OTOF: variants seen among roughly 807,000 people sequenced by gnomAD.
The protein encoded by OTOF is otoferlin, also known as fer-1-like family member 2.
A neutral mutation model predicts 236.8 loss-of-function variants in OTOF; 218 were observed. That is an observed-to-expected ratio of 0.92 (90% CI 0.82 to 1.03). OTOF has a LOEUF of 1.03. Ranked by LOEUF, OTOF falls within the 50% of genes least tolerant of loss-of-function variation. The probability of loss-of-function intolerance (pLI) is 0.00; values close to 1 mark genes in which losing one functional copy is unlikely to be tolerated. For synonymous variants in OTOF, 1,041 were observed against 1,072.5 expected (o/e 0.97, Z 0.57); for missense variants, 2,590 against 2,694.4 (o/e 0.96, Z 0.86).
intron 9 of OTOF, among the ~76,000 whole-genome samples, chr2:26,491,324 G>T (rs142658051): frequency 3.9e-5 from 6 of 152,234 alleles, no homozygotes; most frequent in Admixed American, 3.3e-4. Context: ...GGGGTGACTG[G>T]GGGGAGGAAG....
chr2:26,476,833 G>T, intron 22 of OTOF, 58 bp downstream of exon 22: 4 of 1,529,934 alleles, frequency 2.6e-6, no homozygotes, highest in Non-Finnish European at 3.6e-6. Flanking sequence ...GCCCCAGGTG[G>T]GGGCTGCTGC....
rs1433297062 is a variant in OTOF at position 26,477,107 on chromosome 2, T to G, written c.2524-64A>C. The G allele has an allele frequency of 6.4e-7, 1 of 1,566,152 alleles. No homozygotes were observed. Among genetic ancestry groups the G allele is most frequent in the Non-Finnish European group, 8.7e-7 (1 of 1,148,806 alleles). On this transcript the variant is annotated intron_variant, in intron 21 of 46. Transcript: ENST00000272371. The surrounding 1 kb of genome is among the most constrained non-coding windows in gnomAD (Gnocchi z 4.7). ...GGTCTAGCCTCCTGATTGAGCCCCCTGATCCTGAGGGGCCCCAGAGAGCCA... is the reference window on the plus strand; with the variant it reads ...GGTCTAGCCTCCTGATTGAGCCCCCGGATCCTGAGGGGCCCCAGAGAGCCA...
At chr2:26,472,404 G>T in intron 30 of OTOF, 115 bp downstream of exon 30, 1 of 1,332,012 alleles carries the variant, frequency 7.5e-7, no homozygotes. Flanking sequence ...ACAGTCACAT[G>T]CCAAAGGAGG....
intron 5 of OTOF, among the ~76,000 whole-genome samples, chr2:26,504,287 C>T (rs956045781): frequency 3.3e-5 from 5 of 152,298 alleles, no homozygotes; most frequent in Middle Eastern, 6.8e-3. Context: ...GGACTGGAGA[C>T]AGAGCATCAG....
Position 26,527,865 on chromosome 2 carries a change from T to A in OTOF, c.194A>T (p.Gln65Leu). 1 of 1,613,996 alleles carries A rather than the reference T, an allele frequency of 6.2e-7. No homozygotes were observed. The highest frequency in any genetic ancestry group is 8.5e-7 in the Non-Finnish European group (1 of 1,179,882). The change falls in exon 3 of 47, where the codon CAG becomes CTG. Residue 65 changes from glutamine (Q) to leucine (L), a missense_variant. By Grantham distance (113) the Gln-to-Leu change is moderately radical (BLOSUM62 -2). Transcript: ENST00000272371. ...SIDRNEMLEI[Q>L]VFNYSKVFSN... is the part of the protein sequence containing the mutation. ...GAAGACTTTGCTGTAGTTGAAAACC[T>A]GAATCTCCAGCATCTCATTTCTGTC...
At position 26,473,046 on chromosome 2, in the gene OTOF, G is replaced by T. The variant is rs961224388; in HGVS notation, c.3733+86C>A. On this transcript the variant is annotated intron_variant, in intron 29 of 46. Transcript: ENST00000272371. This position sits in a 1 kb window ranked among gnomAD's most constrained non-coding sequence, Gnocchi z 7.2. ...CCTCGGCCCCAAAGAGCAAACTCTG[G>T]TCGCGGCTTGGACTGGGCGGAGACC... is the stretch of plus-strand genomic sequence containing the variant. 2 of 1,420,532 alleles carry T rather than the reference G, an allele frequency of 1.4e-6. No homozygotes were observed. Among genetic ancestry groups the T allele is most frequent in the Non-Finnish European group, 1.9e-6 (2 of 1,033,252 alleles). 88.0% of individuals were successfully genotyped at this position (1,420,532 alleles called of 1,614,324 possible).
intron 1 of OTOF, among the ~76,000 whole-genome samples, chr2:26,553,692 G>T (rs146007971): frequency 1.3e-5 from 2 of 152,090 alleles, no homozygotes; most frequent in Non-Finnish European, 2.9e-5. Flanking sequence ...CTTAAATACC[G>T]CCCATTTCCC....
At chr2:26,489,881 G>A (rs1478797700) in intron 9 of OTOF, 141 bp from the exon 10 acceptor site, 2 of 723,290 alleles carry the variant, frequency 2.8e-6, no homozygotes, top group Non-Finnish European at 2.5e-6. Context: ...GAGCAGCAGA[G>A]GCAACTCATC....
At chr2:26,480,428 C>T (rs997682625) in intron 15 of OTOF, 117 bp from the exon 16 acceptor site, 25 of 743,252 alleles carry the variant, frequency 3.4e-5, no homozygotes, top group Middle Eastern at 6.1e-4. Context: ...GCATCCCACC[C>T]GGCTTTGGGG....
chr2:26,531,004 G>T (rs935798154), intron 2 of OTOF, among the ~76,000 whole-genome samples: 1 of 152,158 alleles, frequency 6.6e-6, no homozygotes, highest in Non-Finnish European at 1.5e-5. Flanking sequence ...TTTTGGGGTT[G>T]AATTTTCCTC....
In OTOF at chr2:26,477,336, G is replaced by A. The variant is rs369752333; in HGVS notation, c.2407-48C>T. The A allele has an allele frequency of 1.9e-4, 297 of 1,594,200 alleles. 2 individuals carry two copies. The South Asian group carries it at 2.4e-3, about 13-fold the overall frequency. ...GAACCCAGCAACTGGGGGACAGCTC[G>A]GGCCATGACAAAGGGGGTTGTGACA... On this transcript the variant is annotated intron_variant, in intron 20 of 46. Coordinates refer to ENST00000272371, the MANE Select transcript of OTOF (RefSeq NM_194248.3). The surrounding 1 kb of genome is among the most constrained non-coding windows in gnomAD (Gnocchi z 4.7).
intron 25 of OTOF, 117 bp from the exon 26 acceptor site, chr2:26,474,791 T>C: frequency 8.5e-7 from 1 of 1,170,506 alleles, no homozygotes. Context: ...ATCACCCCAT[T>C]TTACAGATGA....
At chr2:26,539,692 G>A (rs1313695720) in intron 1 of OTOF, among the ~76,000 whole-genome samples, 1 of 152,102 alleles carries the variant, frequency 6.6e-6, no homozygotes, top group Non-Finnish European at 1.5e-5. Context: ...CCGAGATTGC[G>A]CCATTGCACT....
intron 11 of OTOF, among the ~76,000 whole-genome samples, chr2:26,485,225 C>T (rs1020718080): frequency 1.3e-5 from 2 of 152,226 alleles, no homozygotes; most frequent in African/African-American, 4.8e-5. Context: ...TTGGAATGCC[C>T]TCATTCCTGT....
chr2:26,475,238 G>T, intron 25 of OTOF, 121 bp downstream of exon 25: 1 of 1,153,616 alleles, frequency 8.7e-7, no homozygotes, highest in Non-Finnish European at 1.3e-6. Context: ...CCAGCACCTG[G>T]CCAAGGAGCT....
rs532077591 is a variant in OTOF, at chr2:26,490,796, G to A, written c.898-1056C>T. 5.9e-5 allele frequency among the ~76,000 whole-genome samples: 9 copies of A among 152,270 alleles called. No individual in the cohort carries two copies. The East Asian group carries it at 1.7e-3, about 29-fold the overall frequency. ...ACTGCTCCAGGGGTGCCATTCACTTGGGGGGCTTCAAGGTGTGGTTGTGAA... is the reference window on the plus strand; with the variant it reads ...ACTGCTCCAGGGGTGCCATTCACTTAGGGGGCTTCAAGGTGTGGTTGTGAA... On this transcript the variant is annotated intron_variant, in intron 9 of 46. Transcript: ENST00000272371.
intron 11 of OTOF, 39 bp from the exon 12 acceptor site, chr2:26,484,672 C>A (rs1358393036): frequency 8.1e-6 from 13 of 1,608,378 alleles, no homozygotes; most frequent in Non-Finnish European, 1.0e-5. Flanking sequence ...CAGACACCCC[C>A]ACCCAGAGCG....
chr2:26,509,106 G>C (rs556400318), intron 5 of OTOF, among the ~76,000 whole-genome samples: 1 of 152,290 alleles, frequency 6.6e-6, no homozygotes, highest in East Asian at 1.9e-4. Flanking sequence ...GTCCCTGTGG[G>C]TCTGGCCTGG....
chr2:26,495,451 G>T (rs968481906), intron 8 of OTOF, among the ~76,000 whole-genome samples: 9 of 152,116 alleles, frequency 5.9e-5, no homozygotes, highest in African/African-American at 2.2e-4. Context: ...TTTTGATGGA[G>T]TCTTACTCTG....
Sources: allele counts gnomAD v4.1 joint callset (sites outside exome capture counted in the v4.1 genomes callset), GRCh38; gene constraint gnomAD v4.1.1; non-coding constraint Gnocchi (gnomAD v3.1); transcripts MANE v1.5; gene names NCBI Gene and HGNC (gene_info 2026-07-23, HGNC 2026-07-21).